Variants in FNDC3B observed in about 807,000 individuals in gnomAD.
The protein encoded by FNDC3B is fibronectin type III domain-containing protein 3B.
A neutral mutation model predicts 151.5 loss-of-function variants in FNDC3B; 12 were observed. The ratio of observed to expected loss-of-function variants is 0.08; its 90% CI spans 0.05 to 0.13. The LOEUF is 0.13. FNDC3B is among the 10% of genes least tolerant of loss of function. The pLI, the probability that FNDC3B is intolerant of heterozygous loss-of-function variation, is 1.00. For missense variants in FNDC3B, 1,214 were observed against 1,505.3 expected, an observed-to-expected ratio of 0.81 and a Z score of 3.20; for synonymous variants, 528 against 549.0, an observed-to-expected ratio of 0.96 and a Z score of 0.54.
At chr3:172,379,377 T>G (rs1735316428) in intron 24 of FNDC3B, among the ~76,000 whole-genome samples, 1 of 152,262 alleles carries the variant, frequency 6.6e-6, no homozygotes, top group African/African-American at 2.4e-5. Context: ...CATATGTGTT[T>G]GACTCTCTAC....
In FNDC3B at chr3:172,330,544, T is replaced by G. The variant is rs551886560; in HGVS notation, c.1383T>G (p.Gly461=). 510 of 1,611,848 alleles carry G rather than the reference T, an allele frequency of 3.2e-4. No individual in the cohort carries two copies. Among genetic ancestry groups the G allele is most frequent in the Non-Finnish European group, 4.1e-4 (489 of 1,178,720 alleles). Reference sequence around the variant, plus strand: ...GCCTCACTTTCTTTCTCTACAGTGGTTATAGCCAAGAGGTGGTGTGCTACA... The same window carrying G: ...GCCTCACTTTCTTTCTCTACAGTGGGTATAGCCAAGAGGTGGTGTGCTACA... ...LAARNDIGTS[G]YSQEVVCYTL... Residue 461 remains glycine (G), a synonymous_variant, in exon 13 of 26, where the codon GGT becomes GGG. Transcript: ENST00000415807.
intron 3 of FNDC3B, among the ~76,000 whole-genome samples, chr3:172,161,424 C>CAT (rs1483778254): frequency 6.6e-6 from 1 of 152,212 alleles, no homozygotes; most frequent in Admixed American, 6.5e-5. Context: ...GCTTTGCATG[C>CAT]ATATATGATT....
At chr3:172,181,889 G>A (rs190946120) in intron 3 of FNDC3B, among the ~76,000 whole-genome samples, 1 of 150,716 alleles carries the variant, frequency 6.6e-6, no homozygotes, top group Non-Finnish European at 1.5e-5. Context: ...CTCACTCACT[G>A]AGTGGATTTC....
At chr3:172,142,467 T>C (rs560346002) in intron 3 of FNDC3B, among the ~76,000 whole-genome samples, 4 of 152,246 alleles carry the variant, frequency 2.6e-5, no homozygotes, top group Non-Finnish European at 5.9e-5. Context: ...GATCTTTGCA[T>C]GTCAGATAAT....
At chr3:172,089,582 G>A (rs528806223) in intron 1 of FNDC3B, among the ~76,000 whole-genome samples, 1 of 152,264 alleles carries the variant, frequency 6.6e-6, no homozygotes, top group South Asian at 2.1e-4. Context: ...AAATTATTGG[G>A]TGGGTACAAA....
At position 172,131,390 on chromosome 3, in the gene FNDC3B, T is replaced by C. The variant is rs1721093515; in HGVS notation, c.112-2081T>C. Among the ~76,000 whole-genome samples, 9 of 148,786 alleles carry C rather than the reference T, an allele frequency of 6.0e-5. No homozygotes were observed. The South Asian group carries it at 1.7e-3, about 28-fold the overall frequency. On this transcript the variant is annotated intron_variant, in intron 2 of 25. Coordinates refer to ENST00000415807, the MANE Select transcript of FNDC3B (RefSeq NM_022763.4). Reference sequence around the variant, plus strand: ...CCTGGGCAACAAGAGCGAAACTCCGTCTCAAGAAAAAAAAAAAAAAACCAA... The same window carrying C: ...CCTGGGCAACAAGAGCGAAACTCCGCCTCAAGAAAAAAAAAAAAAAACCAA...
intron 23 of FNDC3B, among the ~76,000 whole-genome samples, chr3:172,373,204 G>A (rs1054316384): frequency 6.6e-6 from 1 of 152,202 alleles, no homozygotes; most frequent in African/African-American, 2.4e-5. Context: ...ACCATTTCCT[G>A]CTGCTTTAGG....
intron 24 of FNDC3B, among the ~76,000 whole-genome samples, chr3:172,379,347 A>G (rs985355583): frequency 5.3e-5 from 8 of 152,218 alleles, no homozygotes; most frequent in Admixed American, 1.3e-4. Flanking sequence ...GGTAAGTACA[A>G]CCTGCACAAG....
chr3:172,198,077 C>T (rs1724935220), intron 3 of FNDC3B, among the ~76,000 whole-genome samples: 1 of 152,044 alleles, frequency 6.6e-6, no homozygotes, highest in African/African-American at 2.4e-5. Flanking sequence ...TTTTAATGCT[C>T]AAAATTCCTT....
chr3:172,062,305 TCTC>T (rs1277959896), intron 1 of FNDC3B, among the ~76,000 whole-genome samples: 2 of 151,846 alleles, frequency 1.3e-5, no homozygotes, highest in East Asian at 1.9e-4. Context: ...CTGCTACTTT[TCTC>T]CTCCTTCTTT....
intron 1 of FNDC3B, among the ~76,000 whole-genome samples, chr3:172,080,328 T>C (rs1055264696): frequency 1.3e-5 from 2 of 152,136 alleles, no homozygotes; most frequent in African/African-American, 4.8e-5. Context: ...TGGGGTGCAG[T>C]GGCATGATAC....
At chr3:172,085,072 G>T (rs1559958980) in intron 1 of FNDC3B, among the ~76,000 whole-genome samples, 1 of 152,188 alleles carries the variant, frequency 6.6e-6, no homozygotes. Flanking sequence ...GCTACAAGGT[G>T]ATGAGATCAT....
At chr3:172,113,709 C>T (rs1229042137) in intron 2 of FNDC3B, among the ~76,000 whole-genome samples, 2 of 152,162 alleles carry the variant, frequency 1.3e-5, no homozygotes, top group Admixed American at 1.3e-4. Context: ...AACACCTGCA[C>T]CTCTCCCCAC....
chr3:172,089,822 C>T (rs1718717813), intron 1 of FNDC3B, among the ~76,000 whole-genome samples: 2 of 152,158 alleles, frequency 1.3e-5, no homozygotes, highest in Non-Finnish European at 2.9e-5. Flanking sequence ...CTAGGGTCTG[C>T]ACCGTGCCGG....
intron 25 of FNDC3B, among the ~76,000 whole-genome samples, chr3:172,386,297 C>CA (rs1735701961): frequency 9.8e-6 from 1 of 102,196 alleles, no homozygotes; most frequent in Non-Finnish European, 2.6e-5. Flanking sequence ...ATTCATATTC[C>CA]TATTCAGGCA....
intron 7 of FNDC3B, among the ~76,000 whole-genome samples, chr3:172,293,053 A>G (rs1015292680): frequency 2.6e-5 from 4 of 152,210 alleles, no homozygotes; most frequent in African/African-American, 9.6e-5. Context: ...TATATCTGCC[A>G]TGAGGCCCCT....
At chr3:172,323,173 C>T (rs1441502411) in intron 11 of FNDC3B, among the ~76,000 whole-genome samples, 1 of 152,040 alleles carries the variant, frequency 6.6e-6, no homozygotes, top group Admixed American at 6.5e-5. Flanking sequence ...AAAGATGTTC[C>T]TTAAAATATT....
chr3:172,284,775 C>T (rs984512896), intron 6 of FNDC3B, among the ~76,000 whole-genome samples: 3 of 149,928 alleles, frequency 2.0e-5, no homozygotes, highest in African/African-American at 7.4e-5. Flanking sequence ...TCACAAGGCA[C>T]TGTAATTGCC....
chr3:172,327,100 A>AATC (rs1732395568), intron 11 of FNDC3B, among the ~76,000 whole-genome samples: 2 of 152,306 alleles, frequency 1.3e-5, no homozygotes, highest in African/African-American at 4.8e-5. Flanking sequence ...CATTTGAATA[A>AATC]ATCATCTTCC....
Sources: allele counts gnomAD v4.1 joint callset (sites outside exome capture counted in the v4.1 genomes callset), GRCh38; gene constraint gnomAD v4.1.1; transcripts MANE v1.5; gene names NCBI Gene and HGNC (gene_info 2026-07-23, HGNC 2026-07-21).